GLCE: variants seen among roughly 807,000 people sequenced by gnomAD.
The protein encoded by GLCE is D-glucuronyl C5-epimerase.
GLCE carries 19 observed loss-of-function variants against 47.9 expected under a neutral mutation model. The ratio of observed to expected loss-of-function variants is 0.40; its 90% confidence interval spans 0.28 to 0.58. GLCE has a LOEUF of 0.58. Among genes scored for constraint, GLCE ranks in the 20% least tolerant of loss-of-function variants. GLCE has a pLI of 0.48. For synonymous variants in GLCE, 245 were observed against 263.4 expected, an observed-to-expected ratio of 0.93 and a Z score of 0.68; for missense variants, 556 against 743.3, an observed-to-expected ratio of 0.75 and a Z score of 2.93.
At chr15:69,227,024 C>T (rs984352349) in intron 2 of GLCE, among the ~76,000 whole-genome samples, 6 of 152,056 alleles carry the variant, frequency 3.9e-5, no homozygotes, top group East Asian at 3.9e-4. Flanking sequence ...GAATTACAGG[C>T]GTGAGCCACC....
chr15:69,243,940 C>CA (rs948537750), intron 2 of GLCE, among the ~76,000 whole-genome samples: 3 of 152,016 alleles, frequency 2.0e-5, no homozygotes, highest in African/African-American at 7.2e-5. Flanking sequence ...ATGCCCAGCC[C>CA]AAAAAATAGC....
chr15:69,161,025 G>A (rs2051410884), intron 1 of GLCE, among the ~76,000 whole-genome samples: 1 of 151,940 alleles, frequency 6.6e-6, no homozygotes, highest in Admixed American at 6.6e-5. Context: ...GGCTCTTCCG[G>A]CTTGGGGTAG....
At chr15:69,172,425 A>AT (rs1179490060) in intron 1 of GLCE, among the ~76,000 whole-genome samples, 1 of 152,216 alleles carries the variant, frequency 6.6e-6, no homozygotes, top group Admixed American at 6.5e-5. Context: ...AATAGTAGAT[A>AT]TATCAGAAGA....
At chr15:69,203,417 T>C (rs2052103970) in intron 1 of GLCE, among the ~76,000 whole-genome samples, 1 of 152,114 alleles carries the variant, frequency 6.6e-6, no homozygotes, top group African/African-American at 2.4e-5. Context: ...AAGTCAGATT[T>C]TGATTATTAT....
At chr15:69,178,735 C>A (rs1423613660) in intron 1 of GLCE, among the ~76,000 whole-genome samples, 2 of 152,066 alleles carry the variant, frequency 1.3e-5, no homozygotes, top group African/African-American at 4.8e-5. Context: ...TGTGCAATTT[C>A]TTTGGAGGAC....
chr15:69,235,777 A>G (rs1397238974), intron 2 of GLCE, among the ~76,000 whole-genome samples: 1 of 152,230 alleles, frequency 6.6e-6, no homozygotes, highest in African/African-American at 2.4e-5. Context: ...GAAACCCATT[A>G]TAGATTAATT....
chr15:69,164,547 G>A (rs1324663456), intron 1 of GLCE, among the ~76,000 whole-genome samples: 1 of 150,286 alleles, frequency 6.7e-6, no homozygotes, highest in East Asian at 1.9e-4. Context: ...TATATAATAT[G>A]TATAATATAT....
At chr15:69,231,116 G>T (rs1174041648) in intron 2 of GLCE, among the ~76,000 whole-genome samples, 1 of 152,136 alleles carries the variant, frequency 6.6e-6, no homozygotes, top group Non-Finnish European at 1.5e-5. Context: ...AATCCCCTTT[G>T]CAATTCTGAT....
At chr15:69,173,269 T>C (rs1406232432) in intron 1 of GLCE, among the ~76,000 whole-genome samples, 1 of 152,220 alleles carries the variant, frequency 6.6e-6, no homozygotes, top group African/African-American at 2.4e-5. Flanking sequence ...GAATGAAGCA[T>C]GTCTTGAAAC....
At chr15:69,224,540 G>A (rs1292430316) in intron 2 of GLCE, among the ~76,000 whole-genome samples, 1 of 152,170 alleles carries the variant, frequency 6.6e-6, no homozygotes, top group Non-Finnish European at 1.5e-5. Flanking sequence ...GGGAGGAGGT[G>A]CAACAACAAT....
At chr15:69,244,746 C>T (rs2052723383) in intron 2 of GLCE, among the ~76,000 whole-genome samples, 1 of 152,138 alleles carries the variant, frequency 6.6e-6, no homozygotes, top group Non-Finnish European at 1.5e-5. Context: ...AGGGAATGCA[C>T]AAAATTTTTT....
At chr15:69,261,408 G>A in intron 4 of GLCE, 79 bp downstream of exon 4, 4 of 1,397,314 alleles carry the variant, frequency 2.9e-6, no homozygotes, top group South Asian at 1.4e-5. Context: ...TTTTAATATG[G>A]TTTAAAAAAA....
At chr15:69,233,261 A>G (rs2052549933) in intron 2 of GLCE, among the ~76,000 whole-genome samples, 1 of 152,204 alleles carries the variant, frequency 6.6e-6, no homozygotes, top group Non-Finnish European at 1.5e-5. Flanking sequence ...AAAAGATTCC[A>G]TAAAGCCCCC....
At chr15:69,223,273 T>C (rs2052401748) in intron 2 of GLCE, among the ~76,000 whole-genome samples, 1 of 152,218 alleles carries the variant, frequency 6.6e-6, no homozygotes, top group Non-Finnish European at 1.5e-5. Context: ...CTTTTATTTA[T>C]CTAGGAATAT....
At chr15:69,219,962 A>T (rs2052357123) in intron 2 of GLCE, among the ~76,000 whole-genome samples, 1 of 152,106 alleles carries the variant, frequency 6.6e-6, no homozygotes, top group Admixed American at 6.5e-5. Context: ...ATACAAATGG[A>T]ATTATAGTAT....
chr15:69,220,420 A>G (rs1180555999), intron 2 of GLCE, among the ~76,000 whole-genome samples: 3 of 152,154 alleles, frequency 2.0e-5, no homozygotes, highest in Non-Finnish European at 4.4e-5. Context: ...ACACTGCACA[A>G]GAGTTCCATT....
At chr15:69,180,639 G>A (rs540653689) in intron 1 of GLCE, among the ~76,000 whole-genome samples, 2 of 152,252 alleles carry the variant, frequency 1.3e-5, no homozygotes, top group South Asian at 4.1e-4. Flanking sequence ...GCATGCCTGC[G>A]GTATTTACAT....
At chr15:69,232,307 G>T (rs2052536273) in intron 2 of GLCE, among the ~76,000 whole-genome samples, 1 of 152,108 alleles carries the variant, frequency 6.6e-6, no homozygotes, top group Non-Finnish European at 1.5e-5. Flanking sequence ...GCTGATCTAG[G>T]ACTAATTTAT....
At chr15:69,198,274 G>C (rs1359786940) in intron 1 of GLCE, among the ~76,000 whole-genome samples, 1 of 152,076 alleles carries the variant, frequency 6.6e-6, no homozygotes, top group Non-Finnish European at 1.5e-5. Context: ...TTTGACTGTA[G>C]TGTTTTTATT....
Sources: allele counts gnomAD v4.1 joint callset (sites outside exome capture counted in the v4.1 genomes callset), GRCh38; gene constraint gnomAD v4.1.1; transcripts MANE v1.5; gene names NCBI Gene and HGNC (gene_info 2026-07-23, HGNC 2026-07-21).